CLOCK: variants seen among roughly 807,000 people sequenced by gnomAD.
The protein encoded by CLOCK is circadian locomoter output cycles protein kaput.
In CLOCK, 43 loss-of-function variants were observed where a neutral mutation model predicts 118.4. That is an observed-to-expected ratio of 0.36 (90% CI 0.28 to 0.47). The LOEUF is 0.47. CLOCK is among the 20% of genes least tolerant of loss of function. The pLI, the probability that CLOCK is intolerant of heterozygous loss-of-function variation, is 1.00. For synonymous variants in CLOCK, 326 were observed against 339.2 expected, an observed-to-expected ratio of 0.96 and a Z score of 0.43; for missense variants, 846 against 999.9, an observed-to-expected ratio of 0.85 and a Z score of 2.08.
In CLOCK at chr4:55,442,532, G is replaced by A; in HGVS notation, c.2005C>T (p.Gln669Ter). The stretch of plus-strand genomic sequence containing the variant: ...TGGACCATGCTTCCGGCTGCAGGCT[G>A]AGAAATCACCATAGTGTTATACAGT... ...APLYNTMVIS[Q>*]PAAGSMVQIP... is the part of the protein sequence containing the mutation. Residue 669 changes from glutamine (Q) to a stop codon, truncating the protein, a stop_gained, in exon 21 of 23, where the codon CAG becomes TAG. Coordinates refer to ENST00000513440, the MANE Select transcript of CLOCK (RefSeq NM_004898.4). LOFTEE classifies it high-confidence loss of function. The A allele has an allele frequency of 1.9e-6, 3 of 1,610,586 alleles. No individual in the cohort carries two copies. Among genetic ancestry groups the A allele is most frequent in the Non-Finnish European group, 2.5e-6 (3 of 1,179,490 alleles).
chr4:55,506,343 C>T (rs887389509), intron 2 of CLOCK, among the ~76,000 whole-genome samples: 3 of 152,048 alleles, frequency 2.0e-5, no homozygotes, highest in Non-Finnish European at 1.5e-5. Flanking sequence ...CCAACACACC[C>T]GGCTTCTGCT....
Position 55,496,800 on chromosome 4 carries a change from A to G in CLOCK, c.-135-7335T>C, listed in dbSNP as rs185544198. Among the ~76,000 whole-genome samples, 12 of 152,288 alleles carry G rather than the reference A, an allele frequency of 7.9e-5. No individual in the cohort carries two copies. The East Asian group carries it at 2.3e-3, about 29-fold the overall frequency. ...TATTCTCCAGCTACACTAAGGAATC[A>G]CGTCACCATTCCTAGATAGTAGAAA... On this transcript the variant is annotated intron_variant, in intron 2 of 22. Transcript: ENST00000513440.
Position 55,450,210 on chromosome 4 carries a change from T to C in CLOCK, c.1229A>G (p.Asn410Ser), listed in dbSNP as rs1428896776. 3.1e-6 allele frequency: 5 copies of C among 1,613,918 alleles called. No individual in the cohort carries two copies. The highest frequency in any genetic ancestry group is 4.2e-6 in the Non-Finnish European group (5 of 1,179,952). ...ADKSQDSGSD[N>S]RINTVSLKEA... ...CTTGAGACTGACTGTGTTTATACGA[T>C]TATCTGACCCAGAATCTTGGCTCTA... The change falls in exon 16 of 23, where the codon AAT becomes AGT. Residue 410 changes from asparagine to serine, a missense_variant. Asn to Ser is a conservative substitution (Grantham distance 46). Transcript: ENST00000513440.
chr4:55,463,878 G>A (rs768798987), intron 8 of CLOCK, 73 bp from the exon 9 acceptor site: 14 of 1,408,918 alleles, frequency 9.9e-6, no homozygotes, highest in African/African-American at 4.3e-5. Flanking sequence ...GTACATAATC[G>A]CTATTAAACA....
intron 1 of CLOCK, among the ~76,000 whole-genome samples, chr4:55,541,184 T>A (rs182246850): frequency 3.0e-4 from 45 of 152,310 alleles, no homozygotes; most frequent in Non-Finnish European, 4.0e-4. Context: ...AATCTCGGTA[T>A]CCACCTGTTT....
At chr4:55,539,110 C>T (rs1057262288) in intron 1 of CLOCK, among the ~76,000 whole-genome samples, 1 of 152,040 alleles carries the variant, frequency 6.6e-6, no homozygotes, top group Non-Finnish European at 1.5e-5. Context: ...TAGCACATGC[C>T]TGTAATCCCA....
chr4:55,488,297 T>C (rs1727437146), intron 3 of CLOCK, among the ~76,000 whole-genome samples: 1 of 152,200 alleles, frequency 6.6e-6, no homozygotes, highest in Admixed American at 6.5e-5. Context: ...TCTAAATCTG[T>C]ATACACTTCC....
chr4:55,461,339 C>T (rs899107911), intron 9 of CLOCK, among the ~76,000 whole-genome samples: 2 of 152,014 alleles, frequency 1.3e-5, no homozygotes, highest in Admixed American at 6.6e-5. Context: ...AACCAGATGA[C>T]GAAAGTGGCA....
chr4:55,478,110 G>T (rs188440424), intron 6 of CLOCK, among the ~76,000 whole-genome samples: 1 of 150,412 alleles, frequency 6.6e-6, no homozygotes, highest in Admixed American at 6.7e-5. Flanking sequence ...AGTTTCATTT[G>T]CATTTGAAAA....
At position 55,490,094 on chromosome 4, in the gene CLOCK, T is replaced by TAA. The variant is rs71194575; in HGVS notation, c.-135-631_-135-630dup. On this transcript the variant is annotated intron_variant, in intron 2 of 22. Transcript: ENST00000513440. ...AATACATGGAGTGGCTGAATGGATT[T>TAA]AAAAAAAAAAAGAAAGATCCAACTG... Among the ~76,000 whole-genome samples the TAA allele has an allele frequency of 6.8e-5, 10 of 147,514 alleles. No homozygotes were observed. The East Asian group carries it at 1.2e-3, about 17-fold the overall frequency.
intron 1 of CLOCK, among the ~76,000 whole-genome samples, chr4:55,542,212 G>A (rs930295880): frequency 1.1e-4 from 17 of 151,500 alleles, no homozygotes; most frequent in African/African-American, 4.1e-4. Flanking sequence ...TGTGGTGGCA[G>A]ATACCTGTAA....
intron 1 of CLOCK, among the ~76,000 whole-genome samples, chr4:55,544,162 CCAGA>C (rs1203029824): frequency 1.3e-5 from 1 of 76,364 alleles, no homozygotes; most frequent in East Asian, 5.1e-4. Context: ...TGAGAAACAA[CCAGA>C]CACACACACA....
chr4:55,443,785 C>T lies in CLOCK; in HGVS notation c.1804G>A (p.Val602Ile). 1 of 1,614,062 alleles carries T rather than the reference C, an allele frequency of 6.2e-7. No individual in the cohort carries two copies. ...LAPINMQGQV[V>I]PTNQIQSGMN... ...CCACTTTGAATCTGGTTAGTAGGAA[C>T]AACTTGGCCTTGCATATTTATAGGT... is the stretch of plus-strand genomic sequence containing the variant. Residue 602 changes from valine to isoleucine, a missense_variant, in exon 20 of 23, where the codon GTT becomes ATT. Val to Ile is a conservative substitution (Grantham distance 29). This residue lies in a region of CLOCK where 520 missense variants were observed against 558.0 expected (regional missense o/e 0.93). Transcript: ENST00000513440.
intron 1 of CLOCK, among the ~76,000 whole-genome samples, chr4:55,519,099 T>G (rs1729696520): frequency 6.6e-6 from 1 of 152,212 alleles, no homozygotes; most frequent in African/African-American, 2.4e-5. Flanking sequence ...TTGCCCAGGC[T>G]GGAGTGCAAT....
At chr4:55,515,937 G>A (rs1223149708) in intron 1 of CLOCK, among the ~76,000 whole-genome samples, 1 of 151,610 alleles carries the variant, frequency 6.6e-6, no homozygotes, top group Non-Finnish European at 1.5e-5. Context: ...AAAAAAAGAT[G>A]AAAATAAAAA....
At chr4:55,455,643 T>C (rs1181239759) in intron 13 of CLOCK, among the ~76,000 whole-genome samples, 1 of 152,192 alleles carries the variant, frequency 6.6e-6, no homozygotes. Context: ...ACTCCAGATA[T>C]AGAGCTCACG....
chr4:55,527,107 G>A (rs935264631), intron 1 of CLOCK, among the ~76,000 whole-genome samples: 77 of 152,124 alleles, frequency 5.1e-4, no homozygotes, highest in Middle Eastern at 3.4e-3. Context: ...AATGTGAAAC[G>A]TTATAAAGAA....
At chr4:55,483,537 C>A (rs1727079005) in intron 3 of CLOCK, among the ~76,000 whole-genome samples, 1 of 152,104 alleles carries the variant, frequency 6.6e-6, no homozygotes, top group Non-Finnish European at 1.5e-5. Context: ...CACAAGGGCT[C>A]CACGTGATAA....
At chr4:55,452,159 A>AT (rs1367859572) in intron 15 of CLOCK, 2 of 152,172 alleles carry the variant, frequency 1.3e-5, no homozygotes, top group Non-Finnish European at 2.9e-5. Context: ...ATTTCCTTAT[A>AT]TAATGCATAG....
Sources: allele counts gnomAD v4.1 joint callset (sites outside exome capture counted in the v4.1 genomes callset), GRCh38; gene constraint gnomAD v4.1.1; regional missense constraint gnomAD v4.1.1; transcripts MANE v1.5; gene names NCBI Gene and HGNC (gene_info 2026-07-23, HGNC 2026-07-21).